The following LMBR1 variants were observed in gnomAD, a reference collection of about 807,000 sequenced individuals.
LMBR1 encodes the protein limb region 1 protein homolog.
Under a neutral mutation model 73.9 loss-of-function variants are expected in LMBR1, and 52 were observed. That is an observed-to-expected ratio of 0.70 (90% confidence interval 0.56 to 0.89). The LOEUF is 0.89. Ranked by LOEUF, LMBR1 falls within the 40% of genes least tolerant of loss-of-function variation. The pLI is 0.00. For synonymous variants in LMBR1, 215 were observed against 209.4 expected, an observed-to-expected ratio of 1.03 and a Z score of -0.23; for missense variants, 539 against 579.8, an observed-to-expected ratio of 0.93 and a Z score of 0.72.
chr7:156,793,008 T>C (rs1401670605), intron 5 of LMBR1, among the ~76,000 whole-genome samples: 2 of 152,228 alleles, frequency 1.3e-5, no homozygotes, highest in African/African-American at 4.8e-5. Flanking sequence ...GAAATGTTTC[T>C]AGCCTCTCTT....
rs1233354302 is a variant in LMBR1, at chr7:156,763,539, T to A, written c.550+130A>T. 9.0e-5 allele frequency: 63 copies of A among 696,738 alleles called. No individual in the cohort carries two copies. The East Asian group carries it at 2.1e-3, about 24-fold the overall frequency. 43.2% of individuals were successfully genotyped at this position (696,738 alleles called of 1,614,324 possible). ...ATAAAAATATCTAAAGATTTCTTAA[T>A]TCTGTAAATTAACATCAAACATCTT... On this transcript the variant is annotated intron_variant, in intron 6 of 16. Transcript: ENST00000353442.
downstream of LMBR1, among the ~76,000 whole-genome samples, chr7:156,673,917 A>AAAAAG (rs1563100293): frequency 8.2e-6 from 1 of 122,312 alleles, no homozygotes. Context: ...AAAAAAAAAA[A>AAAAAG]AAAAAGAAAA....
intron 2 of LMBR1, among the ~76,000 whole-genome samples, chr7:156,835,003 G>C (rs536702911): frequency 1.3e-5 from 2 of 151,688 alleles, no homozygotes; most frequent in African/African-American, 2.4e-5. Context: ...AGCCAGGTGC[G>C]GTGGCGGGCG....
chr7:156,696,650 T>C (rs970881354), intron 15 of LMBR1, among the ~76,000 whole-genome samples: 2 of 152,202 alleles, frequency 1.3e-5, no homozygotes, highest in Admixed American at 6.5e-5. Context: ...GTGAGACTTA[T>C]TCACCATCAC....
At chr7:156,752,069 G>A (rs112759852) in intron 9 of LMBR1, among the ~76,000 whole-genome samples, 9 of 152,208 alleles carry the variant, frequency 5.9e-5, no homozygotes, top group African/African-American at 2.2e-4. Flanking sequence ...AAAGTGGATT[G>A]AGAAAAAGCA....
chr7:156,687,977 G>A (rs1049027200), intron 16 of LMBR1, 53 bp downstream of exon 16: 28 of 1,452,800 alleles, frequency 1.9e-5, no homozygotes, highest in Non-Finnish European at 2.5e-5. Context: ...TAACTCAAAT[G>A]TCAAAATTAT....
chr7:156,860,066 G>A (rs1283569763), intron 1 of LMBR1, among the ~76,000 whole-genome samples: 2 of 152,158 alleles, frequency 1.3e-5, no homozygotes, highest in Non-Finnish European at 2.9e-5. Context: ...ATAACAACTG[G>A]ACATCCACGT....
chr7:156,764,821 G>GA (rs1178703561), intron 5 of LMBR1, among the ~76,000 whole-genome samples: 1 of 152,132 alleles, frequency 6.6e-6, no homozygotes, highest in African/African-American at 2.4e-5. Context: ...CAATAGAAAG[G>GA]AAAGAAAACG....
intron 11 of LMBR1, among the ~76,000 whole-genome samples, chr7:156,728,302 A>G (rs1816170909): frequency 6.6e-6 from 1 of 152,238 alleles, no homozygotes; most frequent in African/African-American, 2.4e-5. Flanking sequence ...AAGTGGTAAA[A>G]TATTATCAGA....
rs769805531 is a variant in LMBR1 at position 156,694,533 on chromosome 7, T to A, written c.1226-6342A>T. On this transcript the variant is annotated intron_variant, in intron 15 of 16. Coordinates refer to ENST00000353442, the MANE Select transcript of LMBR1 (RefSeq NM_022458.4). ...GGAAGAAGGCAAGGATGCCCACTTT[T>A]GCCACTGCTATTCAACATACTACTT... Among the ~76,000 whole-genome samples, 101 of 152,282 alleles carry A rather than the reference T, an allele frequency of 6.6e-4. 1 individual carries two copies. Among genetic ancestry groups the A allele is most frequent in the Non-Finnish European group, 1.3e-3 (89 of 68,014 alleles).
intron 1 of LMBR1, among the ~76,000 whole-genome samples, chr7:156,847,077 C>CA (rs1795588832): frequency 6.6e-6 from 1 of 152,088 alleles, no homozygotes; most frequent in Non-Finnish European, 1.5e-5. Flanking sequence ...TGGAAAAACA[C>CA]AGACAAATAT....
chr7:156,855,666 CA>C (rs35231167), intron 1 of LMBR1, among the ~76,000 whole-genome samples: 32,885 of 87,164 alleles, frequency 0.38, 3,988 homozygotes, highest in East Asian at 0.52. Context: ...AACGTAAATA[CA>C]AAAAAAAAAA....
chr7:156,754,227 A>G (rs1398125841), intron 9 of LMBR1, among the ~76,000 whole-genome samples: 2 of 152,226 alleles, frequency 1.3e-5, no homozygotes, highest in East Asian at 3.8e-4. Flanking sequence ...TGCCTACAGC[A>G]CCATCAAATA....
intron 15 of LMBR1, among the ~76,000 whole-genome samples, chr7:156,694,040 G>A (rs895709311): frequency 2.0e-5 from 3 of 152,146 alleles, no homozygotes; most frequent in Non-Finnish European, 4.4e-5. Flanking sequence ...CAGAATGAAA[G>A]ACAAAACCAC....
In LMBR1 at chr7:156,685,213, A is replaced by C. The variant is rs997376080; in HGVS notation, c.1388-1050T>G. ...TCTGTATCATAAAACAATTATTTAC[A>C]TAATATACCTGATACACAGACCAAC... On this transcript the variant is annotated intron_variant, in intron 16 of 16. Transcript: ENST00000353442. The surrounding 1 kb of genome is among the most constrained non-coding windows in gnomAD (Gnocchi z 4.1). 5.9e-5 allele frequency among the ~76,000 whole-genome samples: 9 copies of C among 152,356 alleles called. No homozygotes were observed. The East Asian group carries it at 1.5e-3, about 26-fold the overall frequency.
At chr7:156,817,721 A>G (rs1294605091) in intron 4 of LMBR1, among the ~76,000 whole-genome samples, 1 of 152,238 alleles carries the variant, frequency 6.6e-6, no homozygotes, top group African/African-American at 2.4e-5. Context: ...ACCAAAAAAA[A>G]ATGCATATCA....
At position 156,680,096 on chromosome 7, in the gene LMBR1, T is replaced by G. The variant is rs1443297396; in HGVS notation, c.*3982A>C. 6.6e-6 allele frequency: 1 copy of G among 152,210 alleles called. No homozygotes were observed. The highest frequency in any genetic ancestry group is 1.9e-4 in the East Asian group (1 of 5,190). The allele number at this position is 152,210 out of a possible 1,614,324, so 9.4% of individuals were successfully genotyped here. A position where few individuals can be genotyped will look rare whatever the true frequency, so the allele number is the denominator to read the frequency against. ...AAGTAATTTGCGTACACAGTACTTTTGCTTCAGTTGTGTTTGCAGCAATAA... is the reference window on the plus strand; with the variant it reads ...AAGTAATTTGCGTACACAGTACTTTGGCTTCAGTTGTGTTTGCAGCAATAA... On this transcript the variant is annotated 3_prime_UTR_variant, in exon 17 of 17. Coordinates refer to ENST00000353442, the MANE Select transcript of LMBR1 (RefSeq NM_022458.4).
chr7:156,836,982 T>TAA (rs1447134912), intron 1 of LMBR1, 97 bp from the exon 2 acceptor site: 2 of 782,316 alleles, frequency 2.6e-6, no homozygotes, highest in Non-Finnish European at 4.0e-6. Context: ...AAAAAGGATT[T>TAA]AAACTACTAA....
chr7:156,720,172 T>C (rs1187726976), intron 15 of LMBR1, among the ~76,000 whole-genome samples: 1 of 151,426 alleles, frequency 6.6e-6, no homozygotes, highest in East Asian at 1.9e-4. Flanking sequence ...ACAGGCAACC[T>C]ACAAAATGGG....
Sources: gnomAD v4.1 joint callset for allele counts (sites outside exome capture counted in the v4.1 genomes callset) on GRCh38, gnomAD v4.1.1 for gene constraint, Gnocchi (gnomAD v3.1) non-coding constraint, MANE v1.5 for transcripts, NCBI Gene and HGNC (gene_info 2026-07-23, HGNC 2026-07-21) for gene names.